Variants in DLGAP1 observed in about 807,000 individuals in gnomAD.
DLGAP1 encodes disks large-associated protein 1.
DLGAP1 carries 11 observed loss-of-function variants against 90.8 expected under a neutral mutation model. That is an observed-to-expected ratio of 0.12 (90% CI 0.08 to 0.20). The LOEUF (loss-of-function observed/expected upper bound fraction) is 0.20, where lower values mean the gene tolerates loss of function less well. Among genes scored for constraint, DLGAP1 ranks in the 10% least tolerant of loss-of-function variants. The probability of loss-of-function intolerance (pLI) is 1.00; values close to 1 mark genes in which losing one functional copy is unlikely to be tolerated. For missense variants in DLGAP1, 1,050 were observed against 1,333.8 expected, an observed-to-expected ratio of 0.79 and a Z score of 3.31; for synonymous variants, 558 against 540.7, an observed-to-expected ratio of 1.03 and a Z score of -0.44.
At chr18:3,686,821 G>A (rs2060719572) in intron 7 of DLGAP1, among the ~76,000 whole-genome samples, 1 of 152,184 alleles carries the variant, frequency 6.6e-6, no homozygotes, top group African/African-American at 2.4e-5. Flanking sequence ...CTCCCCCAGA[G>A]ATACATAAGT....
chr18:3,536,204 T>C (rs1276108745), intron 9 of DLGAP1, among the ~76,000 whole-genome samples: 2 of 150,650 alleles, frequency 1.3e-5, no homozygotes, highest in Non-Finnish European at 3.0e-5. Flanking sequence ...CTTTCTTTCT[T>C]TCCTTTCTTA....
intron 7 of DLGAP1, among the ~76,000 whole-genome samples, chr18:3,600,899 T>TAG (rs1568279154): frequency 1.5e-5 from 2 of 131,136 alleles, no homozygotes; most frequent in South Asian, 2.3e-4. Context: ...TATAGATATA[T>TAG]ATAGATATAT....
intron 1 of DLGAP1, among the ~76,000 whole-genome samples, chr18:4,184,721 G>T (rs922965100): frequency 1.3e-5 from 2 of 151,924 alleles, no homozygotes; most frequent in African/African-American, 4.8e-5. Flanking sequence ...TTTTTTAGGA[G>T]TGCAATCTAC....
At chr18:3,766,156 A>G (rs563730554) in intron 5 of DLGAP1, among the ~76,000 whole-genome samples, 37 of 152,286 alleles carry the variant, frequency 2.4e-4, no homozygotes, top group Non-Finnish European at 4.1e-4. Flanking sequence ...TCATGCAAAC[A>G]TTAATTAAAG....
chr18:3,882,172 A>G (rs894901127), intron 3 of DLGAP1, among the ~76,000 whole-genome samples: 1 of 152,136 alleles, frequency 6.6e-6, no homozygotes, highest in Non-Finnish European at 1.5e-5. Context: ...AACAGAGAAC[A>G]AGTTAAGCTT....
intron 3 of DLGAP1, among the ~76,000 whole-genome samples, chr18:3,973,539 T>C (rs1223259765): frequency 1.3e-5 from 2 of 152,202 alleles, no homozygotes; most frequent in Non-Finnish European, 2.9e-5. Context: ...CTTCCCTATT[T>C]CACCTGTGGT....
intron 6 of DLGAP1, among the ~76,000 whole-genome samples, chr18:3,735,177 A>G (rs901157727): frequency 3.3e-5 from 5 of 152,204 alleles, no homozygotes; most frequent in African/African-American, 1.2e-4. Flanking sequence ...AATAATACTT[A>G]TCTCATAGGA....
At chr18:3,924,606 G>A (rs567601856) in intron 3 of DLGAP1, among the ~76,000 whole-genome samples, 9 of 152,222 alleles carry the variant, frequency 5.9e-5, no homozygotes, top group African/African-American at 1.4e-4. Flanking sequence ...TTTTTCAGCC[G>A]TATCCCCATA....
intron 1 of DLGAP1, among the ~76,000 whole-genome samples, chr18:4,344,312 G>A (rs542231920): frequency 2.0e-4 from 31 of 152,246 alleles, no homozygotes; most frequent in Non-Finnish European, 4.4e-5. Context: ...ATTGAGAAAA[G>A]TTAGGTAATT....
chr18:3,700,283 G>A (rs1467427190), intron 7 of DLGAP1, among the ~76,000 whole-genome samples: 4 of 152,166 alleles, frequency 2.6e-5, no homozygotes, highest in African/African-American at 9.7e-5. Context: ...CTGGTTTGCG[G>A]GCTGTGAAGA....
chr18:3,948,916 G>A (rs1304722448), intron 3 of DLGAP1, among the ~76,000 whole-genome samples: 1 of 150,916 alleles, frequency 6.6e-6, no homozygotes, highest in Non-Finnish European at 1.5e-5. Flanking sequence ...AAAAACCTGT[G>A]GAAATAAAAA....
intron 2 of DLGAP1, among the ~76,000 whole-genome samples, chr18:4,144,718 C>T (rs1199695085): frequency 6.6e-6 from 1 of 152,154 alleles, no homozygotes; most frequent in Non-Finnish European, 1.5e-5. Flanking sequence ...TTGCTAATGT[C>T]TATTTTTTAA....
intron 1 of DLGAP1, among the ~76,000 whole-genome samples, chr18:4,275,073 G>A (rs1450689240): frequency 1.3e-5 from 2 of 152,186 alleles, no homozygotes; most frequent in Admixed American, 6.5e-5. Context: ...CTATCTGCTA[G>A]CAAATTGTAA....
At chr18:4,098,198 G>A (rs1225252819) in intron 2 of DLGAP1, among the ~76,000 whole-genome samples, 2 of 152,180 alleles carry the variant, frequency 1.3e-5, no homozygotes, top group Non-Finnish European at 2.9e-5. Context: ...ACAGGCAGGA[G>A]CTACCGTGCC....
intron 3 of DLGAP1, among the ~76,000 whole-genome samples, chr18:3,915,228 G>A (rs558203325): frequency 6.6e-6 from 1 of 152,252 alleles, no homozygotes; most frequent in Non-Finnish European, 1.5e-5. Context: ...CCTTGCTCTG[G>A]AAACTATGGC....
intron 1 of DLGAP1, among the ~76,000 whole-genome samples, chr18:4,345,213 C>G (rs62085609): frequency 6.6e-6 from 1 of 152,030 alleles, no homozygotes; most frequent in African/African-American, 2.4e-5. Flanking sequence ...TCTCATGGCT[C>G]CCCTTTTTTT....
At chr18:4,209,395 C>A (rs1209146916) in intron 1 of DLGAP1, among the ~76,000 whole-genome samples, 1 of 152,180 alleles carries the variant, frequency 6.6e-6, no homozygotes, top group African/African-American at 2.4e-5. Context: ...ATGTACGAGT[C>A]AAAGCCTGCT....
intron 2 of DLGAP1, among the ~76,000 whole-genome samples, chr18:4,128,226 T>C (rs528985528): frequency 2.0e-4 from 31 of 152,330 alleles, no homozygotes; most frequent in African/African-American, 7.5e-4. Context: ...TTCTTGTTAT[T>C]ATTCTCTAAA....
chr18:3,966,905 A>T (rs932933743), intron 3 of DLGAP1, among the ~76,000 whole-genome samples: 6 of 152,160 alleles, frequency 3.9e-5, no homozygotes, highest in Admixed American at 2.0e-4. Context: ...CTAGGAATAG[A>T]GGAGAAGGTC....
Sources: allele counts gnomAD v4.1 joint callset (sites outside exome capture counted in the v4.1 genomes callset), GRCh38; gene constraint gnomAD v4.1.1; transcripts MANE v1.5; gene names NCBI Gene and HGNC (gene_info 2026-07-23, HGNC 2026-07-21).